ANXA2R: variants seen among roughly 807,000 people sequenced by gnomAD.
ANXA2R encodes annexin-2 receptor.
For synonymous variants in ANXA2R, 93 were observed against 93.6 expected (o/e 0.99, Z 0.04); for missense variants, 244 against 241.5 (o/e 1.01, Z -0.07).
At chr5:43,042,576 C>G (rs2111974906), upstream of ANXA2R, 1 of 152,860 alleles carries the variant, frequency 6.5e-6, no homozygotes, top group South Asian at 2.1e-4. The surrounding 1 kb of genome is among the most constrained non-coding windows in gnomAD (Gnocchi z 5.6). Flanking sequence ...GCTGCGACCG[C>G]GAAGCCGGCA....
Position 43,039,409 on chromosome 5 carries a change from T to G in ANXA2R, c.*56A>C. 1 of 1,390,622 alleles carries G rather than the reference T, an allele frequency of 7.2e-7. No individual in the cohort carries two copies. Among genetic ancestry groups the G allele is most frequent in the Non-Finnish European group, 9.6e-7 (1 of 1,042,368 alleles). The allele number at this position is 1,390,622 out of a possible 1,614,324, so 86.1% of individuals were successfully genotyped here. On this transcript the variant is annotated 3_prime_UTR_variant, in exon 1 of 1. Transcript: ENST00000616064. ...TATTTTTATTTTCTAGGTGGAGACG[T>G]TTGGTAACTGAGAATCTTTTCAAGG...
At position 43,039,771 on chromosome 5, in the gene ANXA2R, A is replaced by G. The variant is rs764706767; in HGVS notation, c.276T>C (p.Ser92=). 10 of 1,614,052 alleles carry G rather than the reference A, an allele frequency of 6.2e-6. No individual in the cohort carries two copies. The Admixed American group carries it at 6.7e-5, about 11-fold the overall frequency. ...CTTGCTGCTTCTGTGTCCCCGGCCA[A>G]CTGAACTCAGTGGGCTTCGCTGTAC... is the stretch of plus-strand genomic sequence containing the variant. ...EPSTAKPTEF[S]WPGTQKQQEA... is the part of the protein sequence containing the mutation. Residue 92 remains serine, a synonymous_variant, in exon 1 of 1, where the codon AGT becomes AGC. Coordinates refer to ENST00000616064, the MANE Select transcript of ANXA2R (RefSeq NM_001014279.3).
At position 43,039,845 on chromosome 5, in the gene ANXA2R, A is replaced by G. The variant is rs745767897; in HGVS notation, c.202T>C (p.Tyr68His). ...SSPCWRLPGVYWQNGLSPGVQ... is the reference protein window; with the variant it reads ...SSPCWRLPGVHWQNGLSPGVQ... The stretch of plus-strand genomic sequence containing the variant: ...CCAGGAGAGAGTCCGTTTTGCCAGT[A>G]GACTCCGGGCAGCCGCCAGCAAGGG... The change falls in exon 1 of 1, where the codon TAC (tyrosine) becomes CAC (histidine). Residue 68 changes from tyrosine to histidine, a missense_variant. Physicochemically the swap from Tyr to His is moderately conservative, Grantham distance 83. Coordinates refer to ENST00000616064, the MANE Select transcript of ANXA2R (RefSeq NM_001014279.3). 6.2e-7 allele frequency: 1 copy of G among 1,614,244 alleles called. No homozygotes were observed. Among genetic ancestry groups the G allele is most frequent in the South Asian group, 1.1e-5 (1 of 91,086 alleles).
At position 43,040,019 on chromosome 5, in the gene ANXA2R, T is replaced by G; in HGVS notation, c.28A>C (p.Lys10Gln). The change falls in exon 1 of 1, where the codon AAG becomes CAG. Residue 10 changes from lysine to glutamine, a missense_variant. Transcript: ENST00000616064. MEQHFLGCV[K>Q]RAWDSAEVAP... ...ACCTCTGCGGAATCCCAAGCCCGCT[T>G]CACACAGCCAAGAAAATGTTGCTCC... 6.2e-7 allele frequency: 1 copy of G among 1,610,832 alleles called. No homozygotes were observed. The highest frequency in any genetic ancestry group is 8.5e-7 in the Non-Finnish European group (1 of 1,178,812).
In ANXA2R at chr5:43,039,524, C is replaced by T; in HGVS notation, c.523G>A (p.Ala175Thr). The change falls in exon 1 of 1, where the codon GCC becomes ACC. Residue 175 changes from alanine to threonine, a missense_variant. By Grantham distance (58) the Ala-to-Thr change is moderately conservative. Transcript: ENST00000616064. ...CLEWILRVGF[A>T]AFSVLWACCS... The stretch of plus-strand genomic sequence containing the variant: ...CACGCCCAGAGTACAGAGAACGCGG[C>T]AAAACCAACGCGAAGAATCCACTCC... 6.2e-7 allele frequency: 1 copy of T among 1,609,726 alleles called. No individual in the cohort carries two copies. Among genetic ancestry groups the T allele is most frequent in the Non-Finnish European group, 8.5e-7 (1 of 1,177,508 alleles).
Position 43,040,122 on chromosome 5 carries a change from T to C in ANXA2R, c.-76A>G, listed in dbSNP as rs1385385581. 6.4e-6 allele frequency: 9 copies of C among 1,414,372 alleles called. No homozygotes were observed. The South Asian group carries it at 8.3e-5, about 13-fold the overall frequency. The allele number at this position is 1,414,372 out of a possible 1,614,324, so 87.6% of individuals were successfully genotyped here. A position where few individuals can be genotyped will look rare whatever the true frequency, so the allele number is the denominator to read the frequency against. On this transcript the variant is annotated 5_prime_UTR_variant, in exon 1 of 1. Transcript: ENST00000616064. ...GCACTACCATCAGCCTGAGTATTTATGCTCTGCAGAGCCCGTGGGCGGAGG... is the reference window on the plus strand; with the variant it reads ...GCACTACCATCAGCCTGAGTATTTACGCTCTGCAGAGCCCGTGGGCGGAGG...
rs1742157323 is a variant in ANXA2R at position 43,039,856 on chromosome 5, A to T, written c.191T>A (p.Leu64Gln). ...LGLLSSPCWR[L>Q]PGVYWQNGLS... ...TCCGTTTTGCCAGTAGACTCCGGGCAGCCGCCAGCAAGGGCTGGAAAGCAG... is the reference window on the plus strand; with the variant it reads ...TCCGTTTTGCCAGTAGACTCCGGGCTGCCGCCAGCAAGGGCTGGAAAGCAG... Residue 64 changes from leucine to glutamine, a missense_variant, in exon 1 of 1, where the codon CTG becomes CAG. Physicochemically the swap from Leu to Gln is moderately radical, Grantham distance 113. Transcript: ENST00000616064. 1 of 1,614,118 alleles carries T rather than the reference A, an allele frequency of 6.2e-7. No individual in the cohort carries two copies. The highest frequency in any genetic ancestry group is 1.3e-5 in the African/African-American group (1 of 74,938).
In ANXA2R at chr5:43,039,671, G is replaced by C. The variant is rs1311867719; in HGVS notation, c.376C>G (p.Pro126Ala). 6.2e-7 allele frequency: 1 copy of C among 1,613,598 alleles called. No individual in the cohort carries two copies. Among genetic ancestry groups the C allele is most frequent in the South Asian group, 1.1e-5 (1 of 90,994 alleles). ...TGCTGTCTGTCCCAGGGATGGAGAG[G>C]ACTGCTCCAGGGAAGCTGCTGGAGC... is the stretch of plus-strand genomic sequence containing the variant. ...LRLQQLPWSS[P>A]LHPWDRQQDT... The change falls in exon 1 of 1, where the codon CCT becomes GCT. Residue 126 changes from proline (P) to alanine (A), a missense_variant. Physicochemically the swap from Pro to Ala is conservative, Grantham distance 27 (BLOSUM62 -1). Coordinates refer to ENST00000616064, the MANE Select transcript of ANXA2R (RefSeq NM_001014279.3).
Position 43,040,123 on chromosome 5 carries a change from G to C in ANXA2R, c.-77C>G, listed in dbSNP as rs1335280399. ...CACTACCATCAGCCTGAGTATTTAT[G>C]CTCTGCAGAGCCCGTGGGCGGAGGC... On this transcript the variant is annotated 5_prime_UTR_variant, in exon 1 of 1. Transcript: ENST00000616064. 7.2e-7 allele frequency: 1 copy of C among 1,392,716 alleles called. No homozygotes were observed. Among genetic ancestry groups the C allele is most frequent in the African/African-American group, 1.4e-5 (1 of 69,176 alleles). The allele number at this position is 1,392,716 out of a possible 1,614,324, so 86.3% of individuals were successfully genotyped here.
upstream of ANXA2R, chr5:43,041,137 A>G (rs1742187611): frequency 6.6e-6 from 1 of 152,234 alleles, no homozygotes; most frequent in Non-Finnish European, 1.5e-5. Flanking sequence ...ACATAATTTA[A>G]AATAATGAAA....
chr5:43,039,486 G>A lies in ANXA2R; in HGVS notation c.561C>T (p.Ile187=). 4.4e-6 allele frequency: 7 copies of A among 1,579,072 alleles called. No homozygotes were observed. The highest frequency in any genetic ancestry group is 6.0e-6 in the Non-Finnish European group (7 of 1,162,122). Residue 187 remains isoleucine (I), a synonymous_variant, in exon 1 of 1, where the codon ATC becomes ATT. Transcript: ENST00000616064. ...CTATCTAAGGCTGCTTAGCTCCACAGATCCGTGAACAGCACGCCCAGAGTA... is the reference window on the plus strand; with the variant it reads ...CTATCTAAGGCTGCTTAGCTCCACAAATCCGTGAACAGCACGCCCAGAGTA... The part of the protein sequence containing the change: ...FSVLWACCSR[I]CGAKQP
In ANXA2R at chr5:43,040,021, A is replaced by T. The variant is rs753779402; in HGVS notation, c.26T>A (p.Val9Glu). Residue 9 changes from valine (V) to glutamate (E), a missense_variant, in exon 1 of 1, where the codon GTG becomes GAG. Val to Glu is a moderately radical substitution (Grantham distance 121, BLOSUM62 -2). Transcript: ENST00000616064. Reference protein sequence around the residue: MEQHFLGCVKRAWDSAEVA... With the variant: MEQHFLGCEKRAWDSAEVA... ...CTCTGCGGAATCCCAAGCCCGCTTC[A>T]CACAGCCAAGAAAATGTTGCTCCAT... The T allele has an allele frequency of 6.2e-7, 1 of 1,610,408 alleles. No individual in the cohort carries two copies. The highest frequency in any genetic ancestry group is 1.1e-5 in the South Asian group (1 of 90,742).
chr5:43,039,783 G>C lies in ANXA2R; in HGVS notation c.264C>G (p.Pro88=), dbSNP rs1368909290. The C allele has an allele frequency of 6.2e-7, 1 of 1,614,220 alleles. No individual in the cohort carries two copies. The highest frequency in any genetic ancestry group is 1.1e-5 in the South Asian group (1 of 91,086). ...GTGTCCCCGGCCAACTGAACTCAGT[G>C]GGCTTCGCTGTACTTGGTTCCAAGG... ...QSTLEPSTAK[P]TEFSWPGTQK... The change falls in exon 1 of 1, where the codon CCC becomes CCG. Residue 88 remains proline, a synonymous_variant. Coordinates refer to ENST00000616064, the MANE Select transcript of ANXA2R (RefSeq NM_001014279.3).
chr5:43,041,837 G>A (rs1004268361), upstream of ANXA2R: 2 of 152,168 alleles, frequency 1.3e-5, no homozygotes, highest in Non-Finnish European at 2.9e-5. Flanking sequence ...GCTGACCAAC[G>A]AGTCACAGGG....
upstream of ANXA2R, chr5:43,042,450 C>G (rs990355025): frequency 9.8e-5 from 15 of 152,932 alleles, no homozygotes; most frequent in Non-Finnish European, 1.9e-4. This position sits in a 1 kb window ranked among gnomAD's most constrained non-coding sequence, Gnocchi z 5.6. Context: ...AAGAAACCGT[C>G]GACTCTGAGA....
At chr5:43,040,916 G>C (rs991639066), upstream of ANXA2R, 3 of 152,040 alleles carry the variant, frequency 2.0e-5, no homozygotes, top group Admixed American at 2.0e-4. Context: ...ATGTCACGTT[G>C]GGTGCAGCAA....
chr5:43,039,454 T>G lies in ANXA2R; in HGVS notation c.*11A>C. ...TCAAGGAGGAGAATCCAAAAAGCCT[T>G]CTGCTGCTATCTAAGGCTGCTTAGC... is the stretch of plus-strand genomic sequence containing the variant. On this transcript the variant is annotated 3_prime_UTR_variant, in exon 1 of 1. Coordinates refer to ENST00000616064, the MANE Select transcript of ANXA2R (RefSeq NM_001014279.3). 1.3e-6 allele frequency: 2 copies of G among 1,504,206 alleles called. No homozygotes were observed. Among genetic ancestry groups the G allele is most frequent in the South Asian group, 2.7e-5 (2 of 73,586 alleles). The allele number at this position is 1,504,206 out of a possible 1,614,324, so 93.2% of individuals were successfully genotyped here.
rs931402039 is a variant in ANXA2R at position 43,039,404 on chromosome 5, A to C, written c.*61T>G. 6.7e-6 allele frequency: 9 copies of C among 1,347,668 alleles called. No individual in the cohort carries two copies. Among genetic ancestry groups the C allele is most frequent in the Non-Finnish European group, 9.0e-6 (9 of 1,004,460 alleles). The allele number at this position is 1,347,668 out of a possible 1,614,324, so 83.5% of individuals were successfully genotyped here. A position where few individuals can be genotyped will look rare whatever the true frequency, so the allele number is the denominator to read the frequency against. On this transcript the variant is annotated 3_prime_UTR_variant, in exon 1 of 1. Transcript: ENST00000616064. ...TAATGTATTTTTATTTTCTAGGTGG[A>C]GACGTTTGGTAACTGAGAATCTTTT...
Position 43,040,102 on chromosome 5 carries a change from A to G in ANXA2R, c.-56T>C. On this transcript the variant is annotated 5_prime_UTR_variant, in exon 1 of 1. Coordinates refer to ENST00000616064, the MANE Select transcript of ANXA2R (RefSeq NM_001014279.3). The stretch of plus-strand genomic sequence containing the variant: ...ATCAAGGAGGGAGAGTCTCTGCACT[A>G]CCATCAGCCTGAGTATTTATGCTCT... 6.7e-7 allele frequency: 1 copy of G among 1,499,464 alleles called. No individual in the cohort carries two copies. The highest frequency in any genetic ancestry group is 2.3e-5 in the East Asian group (1 of 44,170). 92.9% of individuals were successfully genotyped at this position (1,499,464 alleles called of 1,614,324 possible). A position where few individuals can be genotyped will look rare whatever the true frequency, so the allele number is the denominator to read the frequency against.
Sources: gnomAD v4.1 joint callset for allele counts on GRCh38, gnomAD v4.1.1 for gene constraint, Gnocchi (gnomAD v3.1) non-coding constraint, MANE v1.5 for transcripts, NCBI Gene and HGNC (gene_info 2026-07-23, HGNC 2026-07-21) for gene names.